The following TFB1M variants were observed in gnomAD, a reference collection of about 807,000 sequenced individuals.
The protein encoded by TFB1M is transcription factor B1, mitochondrial.
In TFB1M, 27 loss-of-function variants were observed where a neutral mutation model predicts 31.1. The ratio of observed to expected loss-of-function variants is 0.87; its 90% CI spans 0.64 to 1.20. The LOEUF is 1.20. Ranked by LOEUF, TFB1M falls within the 50% of genes most tolerant of loss-of-function variation. The pLI, the probability that TFB1M is intolerant of heterozygous loss-of-function variation, is 0.00. For missense variants in TFB1M, 394 were observed against 418.7 expected (o/e 0.94, Z 0.51); for synonymous variants, 166 against 151.8 (o/e 1.09, Z -0.69).
chr6:155,246,713 G>A, the TFB1M span, among the ~76,000 whole-genome samples: 2 of 152,148 alleles, frequency 1.3e-5, no homozygotes, highest in Admixed American at 1.3e-4. Flanking sequence ...TTGACAGTCA[G>A]TGCAGTACAG....
chr6:155,286,022 C>T (rs1014869070), intron 4 of TFB1M, among the ~76,000 whole-genome samples: 2 of 152,160 alleles, frequency 1.3e-5, no homozygotes, highest in Non-Finnish European at 2.9e-5. Flanking sequence ...GGGGAGCTCA[C>T]CCTACCAGAC....
At chr6:155,239,528 GTT>G in the TFB1M span, among the ~76,000 whole-genome samples, 1 of 152,220 alleles carries the variant, frequency 6.6e-6, no homozygotes, top group Non-Finnish European at 1.5e-5. Flanking sequence ...CTGTGGAAGC[GTT>G]TCACCTGTGA....
intron 4 of TFB1M, among the ~76,000 whole-genome samples, chr6:155,291,043 C>A (rs1363654335): frequency 6.6e-6 from 1 of 152,014 alleles, no homozygotes; most frequent in Non-Finnish European, 1.5e-5. Context: ...AGTTTTTGAG[C>A]CATTCTGAAA....
the TFB1M span, chr6:155,249,802 T>A: frequency 6.6e-7 from 1 of 1,505,046 alleles, no homozygotes; most frequent in Non-Finnish European, 9.1e-7. Flanking sequence ...TTGGATAGAA[T>A]CTAAAACAAA....
rs796603796 is a variant in TFB1M, at chr6:155,310,917, AT to A, written c.285+270del. 25 of 422,708 alleles carry A rather than the reference AT, an allele frequency of 5.9e-5. 1 individual carries two copies. The highest frequency in any genetic ancestry group is 4.6e-4 in the African/African-American group (23 of 50,346). 26.2% of individuals were successfully genotyped at this position (422,708 alleles called of 1,614,324 possible). On this transcript the variant is annotated intron_variant, in intron 2 of 6. Transcript: ENST00000367166. Reference sequence around the variant, plus strand: ...GCTATTAGCAGACTTAAAAAAAAAAATCACACAAAACAATTAATTTGTTTAG... The same window carrying A: ...GCTATTAGCAGACTTAAAAAAAAAAACACACAAAACAATTAATTTGTTTAG...
the TFB1M span, chr6:155,244,054 A>T: frequency 1.9e-6 from 3 of 1,614,100 alleles, no homozygotes; most frequent in South Asian, 1.1e-5. Flanking sequence ...CCACTTCAGA[A>T]TGAGACCTTT....
intron 5 of TFB1M, among the ~76,000 whole-genome samples, chr6:155,283,196 C>A (rs1326124252): frequency 6.6e-6 from 1 of 151,982 alleles, no homozygotes; most frequent in African/African-American, 2.4e-5. Flanking sequence ...TTTGGGAGGC[C>A]AAAGCGGGTA....
At chr6:155,234,866 A>C in the TFB1M span, among the ~76,000 whole-genome samples, 1 of 152,194 alleles carries the variant, frequency 6.6e-6, no homozygotes, top group Non-Finnish European at 1.5e-5. Flanking sequence ...GAGAGCCCTG[A>C]CCACATGGGA....
At chr6:155,234,648 A>G in the TFB1M span, among the ~76,000 whole-genome samples, 2 of 152,016 alleles carry the variant, frequency 1.3e-5, no homozygotes, top group African/African-American at 4.8e-5. Context: ...CAAGTGATCC[A>G]CCTGCCTCAT....
chr6:155,234,671 T>C, the TFB1M span, among the ~76,000 whole-genome samples: 4 of 152,208 alleles, frequency 2.6e-5, no homozygotes, highest in Non-Finnish European at 5.9e-5. Context: ...TCCTAAAGTG[T>C]TGGGATTACA....
At chr6:155,236,033 A>C in the TFB1M span, among the ~76,000 whole-genome samples, 2 of 152,072 alleles carry the variant, frequency 1.3e-5, no homozygotes, top group Non-Finnish European at 2.9e-5. Context: ...AGTTTTCAGG[A>C]CTGCAGAATT....
At chr6:155,288,798 A>G (rs1404442277) in intron 4 of TFB1M, among the ~76,000 whole-genome samples, 1 of 152,240 alleles carries the variant, frequency 6.6e-6, no homozygotes, top group African/African-American at 2.4e-5. Flanking sequence ...AGAAAGCTCT[A>G]CAAAAGATTT....
rs111880661 is a variant in TFB1M, at chr6:155,256,989, C to T, written c.*847G>A. 1.4e-4 allele frequency: 232 copies of T among 1,614,102 alleles called. No homozygotes were observed. The African/African-American group carries it at 2.7e-3, about 19-fold the overall frequency. ...TCAAGGCGCAGATCCGTCACCAGTC[C>T]CTTGACAGTCAGTCTGAAAATGCCA... On this transcript the variant is annotated 3_prime_UTR_variant, in exon 7 of 7. Transcript: ENST00000367166.
the TFB1M span, chr6:155,250,853 CAA>C: frequency 6.5e-6 from 10 of 1,529,190 alleles, no homozygotes; most frequent in South Asian, 1.1e-5. Context: ...CACTATCTAA[CAA>C]GAGATCATCT....
Position 155,260,366 on chromosome 6 carries a change from AT to A in TFB1M, c.700del (p.Ile234TyrfsTer5). 1 of 1,614,228 alleles carries A rather than the reference AT, an allele frequency of 6.2e-7. No homozygotes were observed. Among genetic ancestry groups the A allele is most frequent in the Non-Finnish European group, 8.5e-7 (1 of 1,180,028 alleles). On this transcript the variant is annotated frameshift_variant, in exon 6 of 7. Coordinates refer to ENST00000367166, the MANE Select transcript of TFB1M (RefSeq NM_016020.4). LOFTEE classifies it high-confidence loss of function. ...GAATGGCTGCTCTATCTTGGGCTGT[AT>A]CAAGGGAGTGAAGTGCACCACGCCC... ...DVGVVHFTPL[I>X]QPKIEQPFKL...
intron 2 of TFB1M, among the ~76,000 whole-genome samples, chr6:155,306,249 T>C (rs1777756800): frequency 6.6e-6 from 1 of 152,038 alleles, no homozygotes; most frequent in Non-Finnish European, 1.5e-5. Context: ...ATACAGCTGG[T>C]GGGAATGTAA....
At chr6:155,254,156 A>G, downstream of TFB1M, 2 of 1,338,724 alleles carry the variant, frequency 1.5e-6, no homozygotes, top group Admixed American at 4.3e-5. Flanking sequence ...AATTTTGATG[A>G]TATCAGGGTC....
chr6:155,270,769 C>T (rs1016570496), intron 5 of TFB1M, among the ~76,000 whole-genome samples: 38 of 152,192 alleles, frequency 2.5e-4, no homozygotes, highest in Admixed American at 2.0e-3. Context: ...TGGCGACCAG[C>T]GAAACAAGCC....
the TFB1M span, among the ~76,000 whole-genome samples, chr6:155,237,234 C>A: frequency 6.6e-6 from 1 of 152,214 alleles, no homozygotes; most frequent in East Asian, 1.9e-4. Flanking sequence ...CTTAAAGCTC[C>A]AAAATGATCT....
Sources: gnomAD v4.1 joint callset for allele counts (sites outside exome capture counted in the v4.1 genomes callset) on GRCh38, gnomAD v4.1.1 for gene constraint, MANE v1.5 for transcripts, NCBI Gene and HGNC (gene_info 2026-07-23, HGNC 2026-07-21) for gene names.